EYA2: variants seen among roughly 807,000 people sequenced by gnomAD.
EYA2 encodes the protein EYA transcriptional coactivator and phosphatase 2.
Under a neutral mutation model 69.2 loss-of-function variants are expected in EYA2, and 31 were observed. That is an observed-to-expected ratio of 0.45 (90% CI 0.34 to 0.60). The LOEUF (loss-of-function observed/expected upper bound fraction) is 0.60, where lower values mean the gene tolerates loss of function less well. EYA2 is among the 20% of genes least tolerant of loss of function. The probability of loss-of-function intolerance (pLI) is 0.02; values close to 1 mark genes in which losing one functional copy is unlikely to be tolerated. For synonymous variants in EYA2, 257 were observed against 279.4 expected, an observed-to-expected ratio of 0.92 and a Z score of 0.80; for missense variants, 622 against 701.2, an observed-to-expected ratio of 0.89 and a Z score of 1.28.
At chr20:47,100,744 A>G (rs562495172) in intron 9 of EYA2, among the ~76,000 whole-genome samples, 7 of 152,236 alleles carry the variant, frequency 4.6e-5, no homozygotes, top group Non-Finnish European at 8.8e-5. Flanking sequence ...TCCCTCCTCC[A>G]GCTCTCGCTA....
chr20:47,183,168 G>A (rs1288572281), intron 14 of EYA2, 123 bp from the exon 15 acceptor site: 5 of 835,414 alleles, frequency 6.0e-6, no homozygotes, highest in Admixed American at 4.6e-5. Flanking sequence ...GCTCAAGAAC[G>A]AAATGATGAA....
chr20:47,113,856 GTT>G (rs35238851), intron 9 of EYA2, among the ~76,000 whole-genome samples: 16 of 147,712 alleles, frequency 1.1e-4, no homozygotes, highest in Admixed American at 2.0e-4. Context: ...TCCTAGATGG[GTT>G]TTTTTTTTTT....
At chr20:47,135,843 AAACAAACAAACAAAAAACT>A in intron 9 of EYA2, among the ~76,000 whole-genome samples, 2 of 67,998 alleles carry the variant, frequency 2.9e-5, no homozygotes, top group African/African-American at 4.2e-4. Context: ...AAAAAAAAAC[AAACAAACAAACAAAAAACT>A]AATTAATTAA....
chr20:46,907,762 C>T (rs1274143164), intron 1 of EYA2, among the ~76,000 whole-genome samples: 4 of 152,056 alleles, frequency 2.6e-5, no homozygotes, highest in African/African-American at 9.7e-5. Context: ...TTGCTTGAGC[C>T]CAGGAGGTGG....
intron 3 of EYA2, among the ~76,000 whole-genome samples, chr20:47,002,650 T>C (rs1410791074): frequency 6.6e-6 from 1 of 152,220 alleles, no homozygotes; most frequent in East Asian, 1.9e-4. Context: ...TGTTGTAAAT[T>C]GTGCTGCAAT....
At chr20:47,051,061 A>G (rs2030304673) in intron 5 of EYA2, among the ~76,000 whole-genome samples, 2 of 152,286 alleles carry the variant, frequency 1.3e-5, no homozygotes, top group Non-Finnish European at 2.9e-5. Context: ...AACAGAGGCT[A>G]TAACATGGCT....
chr20:47,076,030 GATCTTATTTTTTATGGCTGCGTAGTA>G (rs2031500143), intron 7 of EYA2, among the ~76,000 whole-genome samples: 1 of 152,220 alleles, frequency 6.6e-6, no homozygotes, highest in African/African-American at 2.4e-5. Flanking sequence ...CAAAGGACAT[GATCTTATTTTTTATGGCTGCGTAGTA>G]TTCCATGGTG....
At chr20:47,122,111 A>C (rs1371892449) in intron 9 of EYA2, among the ~76,000 whole-genome samples, 2 of 152,186 alleles carry the variant, frequency 1.3e-5, no homozygotes, top group Non-Finnish European at 2.9e-5. Flanking sequence ...CCACAATCCC[A>C]AATGGCATCA....
intron 1 of EYA2, among the ~76,000 whole-genome samples, chr20:46,951,684 C>T (rs1978809559): frequency 6.6e-6 from 1 of 152,196 alleles, no homozygotes; most frequent in South Asian, 2.1e-4. Context: ...CCCCCACTAA[C>T]CTGCTGTGGG....
At chr20:46,976,620 C>T (rs1249497208) in intron 1 of EYA2, among the ~76,000 whole-genome samples, 1 of 152,162 alleles carries the variant, frequency 6.6e-6, no homozygotes, top group Non-Finnish European at 1.5e-5. Flanking sequence ...CTCATGACCT[C>T]GTGATCCACC....
intron 9 of EYA2, among the ~76,000 whole-genome samples, chr20:47,100,074 G>A (rs558499637): frequency 2.6e-5 from 4 of 152,162 alleles, no homozygotes; most frequent in Admixed American, 2.6e-4. Flanking sequence ...GCATGGAACA[G>A]TGTCTCCCAC....
chr20:47,117,257 G>T (rs1483222315), intron 9 of EYA2, among the ~76,000 whole-genome samples: 1 of 152,118 alleles, frequency 6.6e-6, no homozygotes, highest in Non-Finnish European at 1.5e-5. Context: ...TGATCCGCCC[G>T]CCTGGGCCTT....
chr20:46,973,642 A>G (rs77935226), intron 1 of EYA2, among the ~76,000 whole-genome samples: 2,255 of 152,308 alleles, frequency 0.015, 52 homozygotes, highest in African/African-American at 0.052. Context: ...TTCTGAGAAG[A>G]GACACATTTG....
At chr20:46,949,930 C>T (rs1196871883) in intron 1 of EYA2, among the ~76,000 whole-genome samples, 1 of 152,194 alleles carries the variant, frequency 6.6e-6, no homozygotes, top group Non-Finnish European at 1.5e-5. Flanking sequence ...TATCATTTTG[C>T]ATCTATGATG....
rs141069620 is a variant in EYA2, at chr20:46,990,088, C to A, written c.78C>A (p.Asp26Glu). The A allele has an allele frequency of 6.2e-7, 1 of 1,612,036 alleles. No homozygotes were observed. The highest frequency in any genetic ancestry group is 1.7e-5 in the Admixed American group (1 of 60,014). Residue 26 changes from aspartate (D) to glutamate (E), a missense_variant, in exon 2 of 16, where the codon GAC becomes GAA. Coordinates refer to ENST00000327619, the MANE Select transcript of EYA2 (RefSeq NM_005244.5). ...ATAAACTGAAGTTTAACCGTGCTGA[C>A]GCTGCTGTGTGGACTCTGAGTGACA... ...CLDKLKFNRA[D>E]AAVWTLSDRQ... is the part of the protein sequence containing the mutation.
At position 47,027,308 on chromosome 20, in the gene EYA2, G is replaced by A. The variant is rs117831703; in HGVS notation, c.415+11011G>A. On this transcript the variant is annotated intron_variant, in intron 5 of 15. Transcript: ENST00000327619. Reference sequence around the variant, plus strand: ...TAAATCTTCCTGATCTCACTGCATCGGTCAAGACAGGAGCCAGTCTTGGCA... The same window carrying A: ...TAAATCTTCCTGATCTCACTGCATCAGTCAAGACAGGAGCCAGTCTTGGCA... Among the ~76,000 whole-genome samples the A allele has an allele frequency of 6.8e-3, 1,039 of 152,328 alleles. 7 individuals carry two copies. The highest frequency in any genetic ancestry group is 9.0e-3 in the Non-Finnish European group (615 of 68,036).
chr20:46,978,587 TTTATC>T (rs1348327544), intron 1 of EYA2: 1 of 534,788 alleles, frequency 1.9e-6, no homozygotes, highest in Non-Finnish European at 3.8e-6. Context: ...AACTCTTTGC[TTTATC>T]TTAAGAGCAA....
At chr20:47,014,654 G>A (rs1322977680) in intron 4 of EYA2, among the ~76,000 whole-genome samples, 1 of 151,814 alleles carries the variant, frequency 6.6e-6, no homozygotes, top group Non-Finnish European at 1.5e-5. Context: ...GTGTGTGTGT[G>A]TGTGTGTGTG....
chr20:47,067,847 G>A (rs1240390493), intron 5 of EYA2, among the ~76,000 whole-genome samples: 1 of 152,070 alleles, frequency 6.6e-6, no homozygotes, highest in African/African-American at 2.4e-5. Context: ...CTTCATTCGA[G>A]GATGTCTTAG....
Sources: allele counts gnomAD v4.1 joint callset (sites outside exome capture counted in the v4.1 genomes callset), GRCh38; gene constraint gnomAD v4.1.1; transcripts MANE v1.5; gene names NCBI Gene and HGNC (gene_info 2026-07-23, HGNC 2026-07-21).